MREG: variants seen among roughly 807,000 people sequenced by gnomAD.
MREG encodes the protein melanoregulin.
A neutral mutation model predicts 28.5 loss-of-function variants in MREG; 31 were observed. The observed-to-expected ratio is 1.09, with a 90% CI of 0.82 to 1.47. The LOEUF (loss-of-function observed/expected upper bound fraction) is 1.47, where lower values mean the gene tolerates loss of function less well. Among genes scored for constraint, MREG ranks in the 40% most tolerant of loss-of-function variants. The probability of loss-of-function intolerance (pLI) is 0.00; values close to 1 mark genes in which losing one functional copy is unlikely to be tolerated. For missense variants in MREG, 256 were observed against 257.4 expected (o/e 0.99, Z 0.04); for synonymous variants, 106 against 95.2 (o/e 1.11, Z -0.66).
chr2:215,977,487 C>A (rs899090782), intron 2 of MREG, among the ~76,000 whole-genome samples: 2 of 152,180 alleles, frequency 1.3e-5, no homozygotes, highest in Admixed American at 1.3e-4. Flanking sequence ...AGAAAATTAA[C>A]AAGGATATCT....
intron 1 of MREG, among the ~76,000 whole-genome samples, chr2:216,031,177 C>G (rs1264906378): frequency 6.6e-6 from 1 of 152,026 alleles, no homozygotes. Flanking sequence ...GAGGCTGAGG[C>G]AGGCAGATCA....
chr2:216,008,648 G>C (rs556232430), intron 1 of MREG, among the ~76,000 whole-genome samples: 48 of 152,288 alleles, frequency 3.2e-4, no homozygotes, highest in Middle Eastern at 6.8e-3. Flanking sequence ...ATTCCTGGGA[G>C]GGAAAGTAAA....
In MREG at chr2:215,996,370, G is replaced by A. The variant is rs1310443384; in HGVS notation, c.191C>T (p.Ala64Val). The change falls in exon 2 of 5, where the codon GCA becomes GTA. Residue 64 changes from alanine (A) to valine (V), a missense_variant. By Grantham distance (64) the Ala-to-Val change is moderately conservative (BLOSUM62 0). Transcript: ENST00000263268. Reference protein sequence around the residue: ...SMPHDVSHTEADDDRTLYNLI... With the variant: ...SMPHDVSHTEVDDDRTLYNLI... ...ATTGTACAGGGTTCTGTCGTCGTCT[G>A]CCTCTGTGTGGGACACATCATGGGG... 6.2e-7 allele frequency: 1 copy of A among 1,613,980 alleles called. No individual in the cohort carries two copies. The highest frequency in any genetic ancestry group is 8.5e-7 in the Non-Finnish European group (1 of 1,179,882).
chr2:215,969,177 G>A (rs535165994), intron 2 of MREG, among the ~76,000 whole-genome samples: 57 of 152,256 alleles, frequency 3.7e-4, no homozygotes, highest in Admixed American at 1.1e-3. Flanking sequence ...AAGATGTCTC[G>A]GGAGCTGCCT....
intron 1 of MREG, among the ~76,000 whole-genome samples, chr2:216,003,593 T>G (rs1694075521): frequency 6.6e-6 from 1 of 152,064 alleles, no homozygotes; most frequent in Non-Finnish European, 1.5e-5. Context: ...CTCCCAAATT[T>G]CAAATTTCCC....
At chr2:215,974,045 T>C (rs1693176103) in intron 2 of MREG, among the ~76,000 whole-genome samples, 1 of 152,206 alleles carries the variant, frequency 6.6e-6, no homozygotes, top group Non-Finnish European at 1.5e-5. Context: ...AACAGCATAT[T>C]GGTAAAAGAG....
Position 215,970,875 on chromosome 2 carries a change from A to G in MREG, c.256-23762T>C, listed in dbSNP as rs187663172. 7.2e-4 allele frequency among the ~76,000 whole-genome samples: 110 copies of G among 152,294 alleles called. 8 individuals carry two copies. In the East Asian group the frequency reaches 0.012, roughly 16 times the overall value. ...ATATTTACAATAGCAAAGACTTGGAACCAGCCCAAATGCCCATCAATGATA... is the reference window on the plus strand; with the variant it reads ...ATATTTACAATAGCAAAGACTTGGAGCCAGCCCAAATGCCCATCAATGATA... On this transcript the variant is annotated intron_variant, in intron 2 of 4. Coordinates refer to ENST00000263268, the MANE Select transcript of MREG (RefSeq NM_018000.3).
At chr2:216,019,434 T>G (rs1025557697) in intron 1 of MREG, among the ~76,000 whole-genome samples, 2 of 152,124 alleles carry the variant, frequency 1.3e-5, no homozygotes, top group Non-Finnish European at 2.9e-5. Context: ...AAACAGACAC[T>G]ATCTATCTGT....
At chr2:215,952,997 T>C (rs1165655464) in intron 2 of MREG, among the ~76,000 whole-genome samples, 1 of 152,154 alleles carries the variant, frequency 6.6e-6, no homozygotes, top group Non-Finnish European at 1.5e-5. Flanking sequence ...CTCTCTCCTA[T>C]CTCATTGCAA....
rs58288878 is a variant in MREG, at chr2:216,005,444, CTTTTTT to C, written c.95+7783_95+7788del. Reference sequence around the variant, plus strand: ...CACGAGTATTCACTTTCTAGTTATTCTTTTTTTTTTTTTTTTTTTTTTTTTGAGACA... The same window carrying C: ...CACGAGTATTCACTTTCTAGTTATTCTTTTTTTTTTTTTTTTTTTGAGACA... On this transcript the variant is annotated intron_variant, in intron 1 of 4. Coordinates refer to ENST00000263268, the MANE Select transcript of MREG (RefSeq NM_018000.3). 1.6e-4 allele frequency among the ~76,000 whole-genome samples: 14 copies of C among 86,308 alleles called. No homozygotes were observed. The South Asian group carries it at 2.5e-3, about 15-fold the overall frequency. The allele number at this position is 86,308 out of a possible 152,430, so 56.6% of individuals were successfully genotyped here. A position where few individuals can be genotyped will look rare whatever the true frequency, so the allele number is the denominator to read the frequency against.
chr2:215,948,661 T>C (rs907669798), intron 2 of MREG, among the ~76,000 whole-genome samples: 5 of 152,218 alleles, frequency 3.3e-5, no homozygotes, highest in African/African-American at 1.2e-4. Flanking sequence ...CAGTATAGCA[T>C]ATTGGAAAAT....
upstream of MREG, chr2:216,034,076 GA>G: frequency 6.6e-6 from 1 of 152,290 alleles, no homozygotes; most frequent in East Asian, 1.9e-4. Flanking sequence ...ACCAAAGGAA[GA>G]AACTAAAGCT....
upstream of MREG, among the ~76,000 whole-genome samples, chr2:216,014,836 G>A (rs1694406641): frequency 6.6e-6 from 1 of 151,918 alleles, no homozygotes; most frequent in Non-Finnish European, 1.5e-5. Context: ...CTATACCCTC[G>A]CCAAATGCAA....
chr2:216,031,495 G>A (rs867879055), intron 1 of MREG, among the ~76,000 whole-genome samples: 6 of 96,416 alleles, frequency 6.2e-5, no homozygotes, highest in South Asian at 2.7e-4. Flanking sequence ...GAAAGAAAGA[G>A]AAAGAAAGAG....
chr2:215,950,907 T>C (rs1574592247), intron 2 of MREG, among the ~76,000 whole-genome samples: 1 of 152,210 alleles, frequency 6.6e-6, no homozygotes, highest in Admixed American at 6.5e-5. Context: ...TGGTTTCTAA[T>C]GGTTTAGCAC....
At chr2:215,993,692 T>A (rs1036968480) in intron 2 of MREG, among the ~76,000 whole-genome samples, 2 of 152,114 alleles carry the variant, frequency 1.3e-5, no homozygotes, top group African/African-American at 4.8e-5. Flanking sequence ...ATATCCAGAA[T>A]CTACAAGGAA....
intron 1 of MREG, among the ~76,000 whole-genome samples, chr2:216,007,739 C>G (rs71351629): frequency 7.2e-6 from 1 of 138,314 alleles, no homozygotes; most frequent in Admixed American, 7.1e-5. Flanking sequence ...CCCCACTTAG[C>G]GGCTTTTTTT....
chr2:215,949,257 T>A (rs1297737576), intron 2 of MREG, among the ~76,000 whole-genome samples: 1 of 141,786 alleles, frequency 7.1e-6, no homozygotes, highest in Non-Finnish European at 1.5e-5. Flanking sequence ...TGAGACTTTG[T>A]CTTAAAAAAA....
chr2:216,010,989 G>A (rs903210382), intron 1 of MREG, among the ~76,000 whole-genome samples: 1 of 151,424 alleles, frequency 6.6e-6, no homozygotes, highest in Non-Finnish European at 1.5e-5. Flanking sequence ...CCAGCTACTC[G>A]GGAGGCTGAG....
Sources: gnomAD v4.1 joint callset for allele counts (sites outside exome capture counted in the v4.1 genomes callset) on GRCh38, gnomAD v4.1.1 for gene constraint, MANE v1.5 for transcripts, NCBI Gene and HGNC (gene_info 2026-07-23, HGNC 2026-07-21) for gene names.